TENM3: variants seen among roughly 807,000 people sequenced by gnomAD.
TENM3 encodes the protein teneurin-3.
TENM3 carries 63 observed loss-of-function variants against 255.1 expected under a neutral mutation model. The observed-to-expected ratio is 0.25, with a 90% CI of 0.20 to 0.30. The LOEUF is 0.30. Ranked by LOEUF, TENM3 falls within the 10% of genes least tolerant of loss-of-function variation. The probability of loss-of-function intolerance (pLI) is 1.00; values close to 1 mark genes in which losing one functional copy is unlikely to be tolerated. For synonymous variants in TENM3, 1,306 were observed against 1,322.3 expected, an observed-to-expected ratio of 0.99 and a Z score of 0.27; for missense variants, 2,929 against 3,461.1, an observed-to-expected ratio of 0.85 and a Z score of 3.86.
At chr4:182,669,112 A>T (rs556525264) in intron 6 of TENM3, among the ~76,000 whole-genome samples, 80 of 152,316 alleles carry the variant, frequency 5.3e-4, no homozygotes, top group African/African-American at 1.9e-3. Flanking sequence ...TTAAAATATG[A>T]TATGTATACT....
chr4:182,679,515 C>A, intron 7 of TENM3, 151 bp from the exon 8 acceptor site: 1 of 634,876 alleles, frequency 1.6e-6, no homozygotes, highest in Non-Finnish European at 2.7e-6. Context: ...AAATGCTATG[C>A]ATGGGAGACT....
intron 1 of TENM3, among the ~76,000 whole-genome samples, chr4:182,177,601 C>CAT (rs1554026612): frequency 2.0e-4 from 27 of 137,946 alleles, no homozygotes; most frequent in Admixed American, 2.9e-4. Context: ...ATTTGGCATA[C>CAT]ATATATATAT....
the TENM3 span, among the ~76,000 whole-genome samples, chr4:181,817,577 T>G: frequency 6.6e-6 from 1 of 152,290 alleles, no homozygotes; most frequent in East Asian, 1.9e-4. Context: ...AACTTAATCC[T>G]CAATGTAACA....
the TENM3 span, among the ~76,000 whole-genome samples, chr4:182,089,693 G>A: frequency 6.6e-6 from 1 of 152,116 alleles, no homozygotes. Flanking sequence ...ACCAGGTCCT[G>A]GGTATAGTGC....
At chr4:182,515,483 T>G (rs1203982443) in intron 3 of TENM3, among the ~76,000 whole-genome samples, 1 of 152,216 alleles carries the variant, frequency 6.6e-6, no homozygotes, top group Non-Finnish European at 1.5e-5. Context: ...GCAAGAATCA[T>G]CTAATAACTG....
At chr4:181,747,774 A>G in the TENM3 span, among the ~76,000 whole-genome samples, 1 of 151,960 alleles carries the variant, frequency 6.6e-6, no homozygotes, top group Non-Finnish European at 1.5e-5. Context: ...TAGAATTTTT[A>G]TGATTCTATT....
intron 4 of TENM3, among the ~76,000 whole-genome samples, chr4:182,628,256 G>A (rs2152468882): frequency 6.6e-6 from 1 of 152,246 alleles, no homozygotes; most frequent in Admixed American, 6.5e-5. Context: ...TGGCCATGTA[G>A]CTGGGTTTCT....
At chr4:181,457,263 T>C in the TENM3 span, among the ~76,000 whole-genome samples, 2 of 151,886 alleles carry the variant, frequency 1.3e-5, no homozygotes, top group Admixed American at 1.3e-4. Context: ...ACAAATGGAC[T>C]CTGTAGGCAC....
intron 1 of TENM3, among the ~76,000 whole-genome samples, chr4:182,191,857 C>T (rs190508468): frequency 7.9e-5 from 12 of 152,180 alleles, no homozygotes; most frequent in Admixed American, 6.5e-4. Flanking sequence ...CACAGATTAT[C>T]GCTGATCTAC....
the TENM3 span, among the ~76,000 whole-genome samples, chr4:181,532,345 A>G: frequency 0.044 from 6,733 of 151,818 alleles, 229 homozygotes; most frequent in South Asian, 0.16. Context: ...TTTAGGAAGC[A>G]GGATGTACAG....
the TENM3 span, among the ~76,000 whole-genome samples, chr4:181,529,973 A>T: frequency 1.3e-5 from 2 of 152,192 alleles, no homozygotes; most frequent in African/African-American, 4.8e-5. Context: ...GAAACTAAGT[A>T]AGAATAGGAC....
intron 3 of TENM3, among the ~76,000 whole-genome samples, chr4:182,363,356 T>C (rs1766169972): frequency 1.3e-5 from 2 of 152,000 alleles, no homozygotes; most frequent in Admixed American, 6.6e-5. Context: ...TGTATGTATG[T>C]GTATATATTG....
At chr4:182,274,905 C>T (rs903104144) in intron 1 of TENM3, among the ~76,000 whole-genome samples, 3 of 152,076 alleles carry the variant, frequency 2.0e-5, no homozygotes, top group Non-Finnish European at 2.9e-5. Flanking sequence ...CTCACTGCAA[C>T]CTCTGCCTCC....
chr4:182,570,151 AG>A (rs1744214695), intron 3 of TENM3, among the ~76,000 whole-genome samples: 1 of 152,202 alleles, frequency 6.6e-6, no homozygotes, highest in Non-Finnish European at 1.5e-5. Context: ...CAATGGCAGC[AG>A]GGATCGAGGA....
intron 5 of TENM3, among the ~76,000 whole-genome samples, chr4:182,644,535 A>C (rs1752572303): frequency 6.6e-6 from 1 of 152,068 alleles, no homozygotes; most frequent in Non-Finnish European, 1.5e-5. Flanking sequence ...AATACCATGG[A>C]TTCCGTTCGT....
At chr4:182,089,309 G>T in the TENM3 span, among the ~76,000 whole-genome samples, 1 of 152,274 alleles carries the variant, frequency 6.6e-6, no homozygotes, top group East Asian at 1.9e-4. Flanking sequence ...CTATGGAGTT[G>T]TGCCAAAAGT....
At chr4:181,849,710 A>G in the TENM3 span, among the ~76,000 whole-genome samples, 1 of 152,146 alleles carries the variant, frequency 6.6e-6, no homozygotes, top group Non-Finnish European at 1.5e-5. Flanking sequence ...ATGACATTAT[A>G]CAGACATCAT....
chr4:181,813,299 A>G, the TENM3 span, among the ~76,000 whole-genome samples: 2 of 152,150 alleles, frequency 1.3e-5, no homozygotes, highest in Non-Finnish European at 2.9e-5. Context: ...ATGATCAAAC[A>G]CAAACTGTTC....
At chr4:181,577,766 A>T in the TENM3 span, among the ~76,000 whole-genome samples, 1 of 150,704 alleles carries the variant, frequency 6.6e-6, no homozygotes, top group Non-Finnish European at 1.5e-5. Flanking sequence ...TTTTTAATAC[A>T]TGAGAGTTCT....
Sources: allele counts gnomAD v4.1 joint callset (sites outside exome capture counted in the v4.1 genomes callset), GRCh38; gene constraint gnomAD v4.1.1; transcripts MANE v1.5; gene names NCBI Gene and HGNC (gene_info 2026-07-23, HGNC 2026-07-21).